LRP1: variants seen among roughly 807,000 people sequenced by gnomAD.
LRP1 encodes LDL receptor related protein 1, also known as prolow-density lipoprotein receptor-related protein 1.
Under a neutral mutation model 541.5 loss-of-function variants are expected in LRP1, and 51 were observed. That is an observed-to-expected ratio of 0.09 (90% CI 0.08 to 0.12). LRP1 has a LOEUF of 0.12. Ranked by LOEUF, LRP1 falls within the 10% of genes least tolerant of loss-of-function variation. The pLI is 1.00. For missense variants in LRP1, 3,878 were observed against 6,376.2 expected, an observed-to-expected ratio of 0.61 and a Z score of 13.34; for synonymous variants, 2,219 against 2,470.8, an observed-to-expected ratio of 0.90 and a Z score of 3.02.
intron 76 of LRP1, among the ~76,000 whole-genome samples, chr12:57,207,350 A>C (rs1337241283): frequency 2.0e-5 from 3 of 150,992 alleles, no homozygotes; most frequent in African/African-American, 7.3e-5. Flanking sequence ...AAATACAAAG[A>C]TTAGCCAGGC....
At position 57,177,542 on chromosome 12, in the gene LRP1, G is replaced by A. The variant is rs1459634402; in HGVS notation, c.4312G>A (p.Gly1438Arg). The stretch of plus-strand genomic sequence containing the variant: ...GACCGGCTCTGGGGGCTGGCCCAAC[G>A]GGCTCACCGTGGACTACCTGGAGAA... ...RETGSGGWPN[G>R]LTVDYLEKRI... The change falls in exon 26 of 89, where the codon GGG becomes AGG. Residue 1438 changes from glycine to arginine, a missense_variant. Gly to Arg is a moderately radical substitution (Grantham distance 125, BLOSUM62 -2). Around this residue, in one of 13 missense-constraint regions of LRP1, gnomAD observed 54 missense variants for 167.7 expected, o/e 0.32. Transcript: ENST00000243077. This position sits in a 1 kb window ranked among gnomAD's most constrained non-coding sequence, Gnocchi z 6.8. 6.2e-7 allele frequency: 1 copy of A among 1,613,908 alleles called. No homozygotes were observed. The highest frequency in any genetic ancestry group is 1.1e-5 in the South Asian group (1 of 91,080).
At chr12:57,139,200 T>G (rs1446245995) in intron 2 of LRP1, among the ~76,000 whole-genome samples, 2 of 152,092 alleles carry the variant, frequency 1.3e-5, no homozygotes, top group Admixed American at 1.3e-4. Flanking sequence ...TGGCTCCACT[T>G]TTAGCCTCTC....
intron 1 of LRP1, among the ~76,000 whole-genome samples, chr12:57,132,605 T>C (rs934851570): frequency 1.3e-5 from 2 of 151,988 alleles, no homozygotes; most frequent in African/African-American, 4.8e-5. Context: ...TTCCTGGCTT[T>C]TCTGGCTGTC....
intron 2 of LRP1, among the ~76,000 whole-genome samples, chr12:57,139,043 C>G (rs189512388): frequency 6.6e-6 from 1 of 152,222 alleles, no homozygotes; most frequent in Non-Finnish European, 1.5e-5. Flanking sequence ...CCGCTACCCC[C>G]GCCTTCCCCT....
Position 57,197,328 on chromosome 12 carries a change from C to G in LRP1, c.9106C>G (p.Arg3036Gly). The G allele has an allele frequency of 6.2e-7, 1 of 1,614,120 alleles. No individual in the cohort carries two copies. The highest frequency in any genetic ancestry group is 8.5e-7 in the Non-Finnish European group (1 of 1,179,996). Residue 3036 changes from arginine (R) to glycine (G), a missense_variant, in exon 57 of 89, where the codon CGG becomes GGG. Coordinates refer to ENST00000243077, the MANE Select transcript of LRP1 (RefSeq NM_002332.3). This position sits in a 1 kb window ranked among gnomAD's most constrained non-coding sequence, Gnocchi z 4.5. ...GGAACCGTTTCTGATCTTCGCCAACCGGTACTACCTGCGCAAGCTCAACCT... is the reference window on the plus strand; with the variant it reads ...GGAACCGTTTCTGATCTTCGCCAACGGGTACTACCTGCGCAAGCTCAACCT... ...DEEPFLIFAN[R>G]YYLRKLNLDG...
chr12:57,169,107 G>A lies in LRP1; in HGVS notation c.2996-33G>A, dbSNP rs372959220. 10 of 1,580,884 alleles carry A rather than the reference G, an allele frequency of 6.3e-6. 1 individual carries two copies. The highest frequency in any genetic ancestry group is 5.7e-5 in the South Asian group (5 of 88,288). ...AGAGAAGGCTGCTCCACCAACTCCC[G>A]CTTTGCCTCTCCCCTTCTTCCCCCA... On this transcript the variant is annotated intron_variant, in intron 19 of 88. Transcript: ENST00000243077.
In LRP1 at chr12:57,185,739, G is replaced by A; in HGVS notation, c.6672G>A (p.Val2224=). The change falls in exon 41 of 89, where the codon GTG becomes GTA. Residue 2224 remains valine, a synonymous_variant. Transcript: ENST00000243077. The surrounding 1 kb of genome is among the most constrained non-coding windows in gnomAD (Gnocchi z 4.9). Reference sequence around the variant, plus strand: ...ATGAGCGCAACCTCAATGCGCCCGTGCAGCCCTTCGAGGACCCTGAGCACA... The same window carrying A: ...ATGAGCGCAACCTCAATGCGCCCGTACAGCCCTTCGAGGACCCTGAGCACA... The part of the protein sequence containing the change: ...LSDERNLNAP[V]QPFEDPEHMK... The A allele has an allele frequency of 6.2e-7, 1 of 1,614,218 alleles. No individual in the cohort carries two copies. The highest frequency in any genetic ancestry group is 8.5e-7 in the Non-Finnish European group (1 of 1,180,038).
At chr12:57,131,249 A>G (rs1451193641) in intron 1 of LRP1, among the ~76,000 whole-genome samples, 3 of 152,052 alleles carry the variant, frequency 2.0e-5, no homozygotes, top group African/African-American at 7.3e-5. Context: ...TTTCTCTTCT[A>G]TGCCTGAAAC....
intron 49 of LRP1, 26 bp from the exon 50 acceptor site, chr12:57,194,551 G>A: frequency 2.5e-6 from 4 of 1,612,502 alleles, no homozygotes; most frequent in Non-Finnish European, 8.5e-7. Flanking sequence ...GGTGAGCAGG[G>A]CCCTCACACC....
At position 57,162,173 on chromosome 12, in the gene LRP1, C is replaced by T. The variant is rs1221337783; in HGVS notation, c.2203-144C>T. On this transcript the variant is annotated intron_variant, in intron 13 of 88. Coordinates refer to ENST00000243077, the MANE Select transcript of LRP1 (RefSeq NM_002332.3). This position sits in a 1 kb window ranked among gnomAD's most constrained non-coding sequence, Gnocchi z 5.2. ...ACCATCCCACTGTGTGCAAAACTAT[C>T]ACTCTCTGGGGCTCCCAGGCTAATG... 6 of 718,550 alleles carry T rather than the reference C, an allele frequency of 8.4e-6. No homozygotes were observed. The highest frequency in any genetic ancestry group is 1.6e-5 in the South Asian group (1 of 62,570). 44.5% of individuals were successfully genotyped at this position (718,550 alleles called of 1,614,324 possible). A position where few individuals can be genotyped will look rare whatever the true frequency, so the allele number is the denominator to read the frequency against.
rs1225482709 is a variant in LRP1 at position 57,177,988 on chromosome 12, G to A, written c.4362-371G>A. Reference sequence around the variant, plus strand: ...TTTTGAGACAGAGTCTCGCTCCGTCGCCCAGGCTGGAGTGCAGTGGCGCGA... The same window carrying A: ...TTTTGAGACAGAGTCTCGCTCCGTCACCCAGGCTGGAGTGCAGTGGCGCGA... On this transcript the variant is annotated intron_variant, in intron 26 of 88. Transcript: ENST00000243077. The surrounding 1 kb of genome is among the most constrained non-coding windows in gnomAD (Gnocchi z 6.8). Among the ~76,000 whole-genome samples the A allele has an allele frequency of 1.1e-4, 16 of 139,490 alleles. No individual in the cohort carries two copies. The highest frequency in any genetic ancestry group is 3.9e-3 in the Middle Eastern group (1 of 254). The allele number at this position is 139,490 out of a possible 152,430, so 91.5% of individuals were successfully genotyped here. A position where few individuals can be genotyped will look rare whatever the true frequency, so the allele number is the denominator to read the frequency against.
intron 43 of LRP1, 48 bp from the exon 44 acceptor site, chr12:57,191,272 G>C (rs2036373320): frequency 6.5e-7 from 1 of 1,537,678 alleles, no homozygotes; most frequent in Non-Finnish European, 8.8e-7. Flanking sequence ...TGGAGACTGG[G>C]CAAGAGGCCT....
Position 57,177,305 on chromosome 12 carries a change from TGGCCA to T in LRP1, c.4196+63_4196+67del. ...GGCCCCCCTGAAGTCCCATTCAGCCTGGCCAGGGACACCTTACTCCTCAGTGCCAT... is the reference window on the plus strand; with the variant it reads ...GGCCCCCCTGAAGTCCCATTCAGCCTGGGACACCTTACTCCTCAGTGCCAT... On this transcript the variant is annotated intron_variant, in intron 25 of 88. Coordinates refer to ENST00000243077, the MANE Select transcript of LRP1 (RefSeq NM_002332.3). The surrounding 1 kb of genome is among the most constrained non-coding windows in gnomAD (Gnocchi z 6.8). The T allele has an allele frequency of 6.3e-7, 1 of 1,592,752 alleles. No homozygotes were observed. The highest frequency in any genetic ancestry group is 8.6e-7 in the Non-Finnish European group (1 of 1,164,044).
chr12:57,183,153 G>A lies in LRP1; in HGVS notation c.5663-226G>A, dbSNP rs1424251352. Reference sequence around the variant, plus strand: ...TCCGAGTCTCTGCTGCCCTCTCATGGTGGCTAGGGGTCCTGCAGGTGGTTC... The same window carrying A: ...TCCGAGTCTCTGCTGCCCTCTCATGATGGCTAGGGGTCCTGCAGGTGGTTC... On this transcript the variant is annotated intron_variant, in intron 34 of 88. Coordinates refer to ENST00000243077, the MANE Select transcript of LRP1 (RefSeq NM_002332.3). The surrounding 1 kb of genome is among the most constrained non-coding windows in gnomAD (Gnocchi z 6.1). Among the ~76,000 whole-genome samples the A allele has an allele frequency of 6.6e-6, 1 of 152,122 alleles. No homozygotes were observed. Among genetic ancestry groups the A allele is most frequent in the Admixed American group, 6.5e-5 (1 of 15,282 alleles).
chr12:57,150,445 C>G (rs2035505932), intron 6 of LRP1, among the ~76,000 whole-genome samples: 9 of 152,154 alleles, frequency 5.9e-5, no homozygotes, highest in Admixed American at 5.9e-4. Flanking sequence ...CCTGCTTCAG[C>G]CTCCCAGAGT....
At position 57,178,797 on chromosome 12, in the gene LRP1, G is replaced by A; in HGVS notation, c.4607-93G>A. On this transcript the variant is annotated intron_variant, in intron 27 of 88. Coordinates refer to ENST00000243077, the MANE Select transcript of LRP1 (RefSeq NM_002332.3). This position sits in a 1 kb window ranked among gnomAD's most constrained non-coding sequence, Gnocchi z 5.8. ...CTAGTAGTAGCGGCTGCTGGAACAG[G>A]GGGAGGAGAGTGGGCGAGGAAGGGG... The A allele has an allele frequency of 6.5e-7, 1 of 1,532,588 alleles. No individual in the cohort carries two copies. The highest frequency in any genetic ancestry group is 2.3e-5 in the East Asian group (1 of 44,444). 94.9% of individuals were successfully genotyped at this position (1,532,588 alleles called of 1,614,324 possible).
At position 57,159,909 on chromosome 12, in the gene LRP1, G is replaced by A. The variant is rs751354062; in HGVS notation, c.1883G>A (p.Ser628Asn). The A allele has an allele frequency of 1.2e-6, 2 of 1,614,172 alleles. No individual in the cohort carries two copies. The highest frequency in any genetic ancestry group is 1.1e-5 in the South Asian group (1 of 91,082). ...GACGATGGGCCCAAAAAGACAATCAGCGTGGCCAGGCTGGAGAAAGCTGCT... is the reference window on the plus strand; with the variant it reads ...GACGATGGGCCCAAAAAGACAATCAACGTGGCCAGGCTGGAGAAAGCTGCT... ...WTDDGPKKTI[S>N]VARLEKAAQT... is the part of the protein sequence containing the mutation. The change falls in exon 12 of 89, where the codon AGC becomes AAC. Residue 628 changes from serine to asparagine, a missense_variant. Physicochemically the swap from Ser to Asn is conservative, Grantham distance 46 (BLOSUM62 1). Transcript: ENST00000243077.
chr12:57,200,510 C>T lies in LRP1; in HGVS notation c.10083C>T (p.Asp3361=). 1 of 1,613,678 alleles carries T rather than the reference C, an allele frequency of 6.2e-7. No homozygotes were observed. The highest frequency in any genetic ancestry group is 1.1e-5 in the South Asian group (1 of 91,088). ...WKCDTEDDCG[D]HSDEPPDCPE... Reference sequence around the variant, plus strand: ...GTGACACCGAGGACGACTGCGGGGACCACTCAGACGAGCCCCCGGACTGCC... The same window carrying T: ...GTGACACCGAGGACGACTGCGGGGATCACTCAGACGAGCCCCCGGACTGCC... Residue 3361 remains aspartate (D), a synonymous_variant, in exon 63 of 89, where the codon GAC becomes GAT. Coordinates refer to ENST00000243077, the MANE Select transcript of LRP1 (RefSeq NM_002332.3).
intron 8 of LRP1, 129 bp from the exon 9 acceptor site, chr12:57,155,965 A>C (rs1329093903): frequency 5.5e-6 from 4 of 730,214 alleles, no homozygotes; most frequent in Middle Eastern, 2.5e-4. Context: ...TAAATAAATA[A>C]AAATTAAAAA....
Sources: allele counts gnomAD v4.1 joint callset (sites outside exome capture counted in the v4.1 genomes callset), GRCh38; gene constraint gnomAD v4.1.1; regional missense constraint gnomAD v4.1.1; non-coding constraint Gnocchi (gnomAD v3.1); transcripts MANE v1.5; gene names NCBI Gene and HGNC (gene_info 2026-07-23, HGNC 2026-07-21).